Variants in ZNF544 observed in about 807,000 individuals in gnomAD.
The protein encoded by ZNF544 is zinc finger protein AF020591.
ZNF544 carries 10 observed loss-of-function variants against 13.5 expected under a neutral mutation model. The ratio of observed to expected loss-of-function variants is 0.74; its 90% CI spans 0.46 to 1.25. The LOEUF is 1.25. ZNF544 is among the 50% of genes most tolerant of loss of function. The pLI is 0.00. For missense variants in ZNF544, 896 were observed against 845.6 expected, an observed-to-expected ratio of 1.06 and a Z score of -0.74; for synonymous variants, 323 against 300.5, an observed-to-expected ratio of 1.07 and a Z score of -0.77.
chr19:58,275,069 G>A (rs746003402), intron 5 of ZNF544, among the ~76,000 whole-genome samples: 43 of 152,094 alleles, frequency 2.8e-4, no homozygotes, highest in Admixed American at 6.6e-4. Flanking sequence ...GGGTGGGGCA[G>A]GGGGAGGGTG....
intron 3 of ZNF544, among the ~76,000 whole-genome samples, chr19:58,237,617 C>T (rs2042704016): frequency 6.6e-6 from 1 of 152,238 alleles, no homozygotes; most frequent in African/African-American, 2.4e-5. Flanking sequence ...CTCACACCCA[C>T]CTTCTTTTTG....
intron 6 of ZNF544, among the ~76,000 whole-genome samples, chr19:58,255,841 GGCAGC>G: frequency 6.6e-6 from 1 of 152,346 alleles, no homozygotes; most frequent in Non-Finnish European, 1.5e-5. Context: ...TTCTGGGCAG[GGCAGC>G]TATCCCCATT....
At chr19:58,269,825 G>A (rs1166670337) in intron 5 of ZNF544, among the ~76,000 whole-genome samples, 4 of 152,074 alleles carry the variant, frequency 2.6e-5, no homozygotes, top group Admixed American at 6.6e-5. Flanking sequence ...GGAGGCTGAC[G>A]CAGGAGTATC....
intron 5 of ZNF544, among the ~76,000 whole-genome samples, chr19:58,270,595 C>T (rs1381223059): frequency 1.3e-5 from 2 of 152,080 alleles, no homozygotes; most frequent in Non-Finnish European, 2.9e-5. Context: ...CCATTGCACC[C>T]GGCCTGTATT....
intron 6 of ZNF544, chr19:58,257,870 C>G (rs1458132727): frequency 1.3e-5 from 2 of 152,266 alleles, no homozygotes; most frequent in Non-Finnish European, 2.9e-5. Context: ...CACCCTCTCA[C>G]GTTTCCCCCA....
chr19:58,257,419 C>T (rs1345970225), intron 6 of ZNF544: 1 of 152,188 alleles, frequency 6.6e-6, no homozygotes, highest in Non-Finnish European at 1.5e-5. Flanking sequence ...TTGGTTTACA[C>T]CCTATGAAAT....
rs552177813 is a variant in ZNF544 at position 58,234,106 on chromosome 19, C to T, written c.-60+3644C>T. 4.6e-5 allele frequency among the ~76,000 whole-genome samples: 7 copies of T among 152,302 alleles called. No homozygotes were observed. The South Asian group carries it at 1.5e-3, about 32-fold the overall frequency. On this transcript the variant is annotated intron_variant, in intron 3 of 6. Coordinates refer to ENST00000687789, the MANE Select transcript of ZNF544 (RefSeq NM_014480.4). ...TTCTCCTCATTCCACCTTTACTCCCCACAGTCCACTCTCCAGCCTGCCAAC... is the reference window on the plus strand; with the variant it reads ...TTCTCCTCATTCCACCTTTACTCCCTACAGTCCACTCTCCAGCCTGCCAAC...
rs1255325802 is a variant in ZNF544 at position 58,261,591 on chromosome 19, G to C, written c.985G>C (p.Glu329Gln). Residue 329 changes from glutamate (E) to glutamine (Q), a missense_variant, in exon 7 of 7, where the codon GAG (glutamate) becomes CAG (glutamine). Glu to Gln is a conservative substitution (Grantham distance 29, BLOSUM62 2). Transcript: ENST00000687789. The part of the protein sequence containing the change: ...SGPGETPFRC[E>Q]ERCAAFPMAS... ...CCCTGGAGAGACCCCCTTCAGATGT[G>C]AGGAACGCTGTGCTGCCTTCCCCAT... 1 of 1,614,218 alleles carries C rather than the reference G, an allele frequency of 6.2e-7. No homozygotes were observed.
chr19:58,267,940 C>G (rs2050139282), downstream of ZNF544, among the ~76,000 whole-genome samples: 1 of 150,314 alleles, frequency 6.7e-6, no homozygotes, highest in Non-Finnish European at 1.5e-5. Flanking sequence ...GAGATCACGC[C>G]ACTGCACTCC....
intron 5 of ZNF544, among the ~76,000 whole-genome samples, chr19:58,269,592 C>T (rs970512234): frequency 1.4e-4 from 16 of 115,840 alleles, no homozygotes; most frequent in African/African-American, 5.5e-4. Context: ...GCGTGGGCGA[C>T]AAAGCGAGAC....
In ZNF544 at chr19:58,263,281, C is replaced by A; in HGVS notation, c.*527C>A. 2 of 872,696 alleles carry A rather than the reference C, an allele frequency of 2.3e-6. No homozygotes were observed. Among genetic ancestry groups the A allele is most frequent in the African/African-American group, 2.0e-5 (1 of 48,992 alleles). The allele number at this position is 872,696 out of a possible 1,614,324, so 54.1% of individuals were successfully genotyped here. ...TTTGAAACCAGCCTGGGTAACATGG[C>A]AAAATCCTGTCTTTACAAAAAATAC... On this transcript the variant is annotated 3_prime_UTR_variant, in exon 7 of 7. Coordinates refer to ENST00000687789, the MANE Select transcript of ZNF544 (RefSeq NM_014480.4).
intron 3 of ZNF544, among the ~76,000 whole-genome samples, chr19:58,237,951 A>AT (rs1194919441): frequency 6.6e-6 from 1 of 152,140 alleles, no homozygotes; most frequent in Non-Finnish European, 1.5e-5. Flanking sequence ...GTGTCTGGAG[A>AT]TTTTTAAAAC....
chr19:58,273,635 G>A (rs575965340), intron 5 of ZNF544, among the ~76,000 whole-genome samples: 218 of 150,752 alleles, frequency 1.4e-3, no homozygotes, highest in African/African-American at 3.8e-3. Flanking sequence ...GATTGCAGTG[G>A]GCCGAGATCG....
At chr19:58,233,077 A>G (rs1355665790) in intron 3 of ZNF544, among the ~76,000 whole-genome samples, 1 of 152,148 alleles carries the variant, frequency 6.6e-6, no homozygotes, top group Non-Finnish European at 1.5e-5. Flanking sequence ...AGGAGAAGCA[A>G]AGTCACACCT....
chr19:58,255,786 G>T (rs1390063745), intron 6 of ZNF544, among the ~76,000 whole-genome samples: 2 of 152,228 alleles, frequency 1.3e-5, no homozygotes, highest in Non-Finnish European at 1.5e-5. Context: ...CACAGATAGG[G>T]ATCAGGGACT....
chr19:58,267,417 A>G (rs913951483), downstream of ZNF544, among the ~76,000 whole-genome samples: 1 of 151,252 alleles, frequency 6.6e-6, no homozygotes, highest in Non-Finnish European at 1.5e-5. Flanking sequence ...AAAGGGTTAC[A>G]AGGCCGGGTG....
chr19:58,275,445 T>G (rs1277603709), intron 5 of ZNF544, among the ~76,000 whole-genome samples: 1 of 151,920 alleles, frequency 6.6e-6, no homozygotes, highest in Non-Finnish European at 1.5e-5. Flanking sequence ...CAGGGCTCCC[T>G]GACCCACACT....
intron 3 of ZNF544, among the ~76,000 whole-genome samples, chr19:58,236,682 G>C (rs1365182953): frequency 6.6e-6 from 1 of 151,496 alleles, no homozygotes; most frequent in African/African-American, 2.4e-5. Context: ...TTGTTACTTA[G>C]ACTGTAGACC....
chr19:58,246,475 G>T, intron 5 of ZNF544, 48 bp downstream of exon 5: 1 of 1,607,880 alleles, frequency 6.2e-7, no homozygotes, highest in Non-Finnish European at 8.5e-7. Context: ...AGGACTCAAA[G>T]CTGTACCAAG....
Sources: gnomAD v4.1 joint callset for allele counts (sites outside exome capture counted in the v4.1 genomes callset) on GRCh38, gnomAD v4.1.1 for gene constraint, MANE v1.5 for transcripts, NCBI Gene and HGNC (gene_info 2026-07-23, HGNC 2026-07-21) for gene names.